SLFN5: variants seen among roughly 807,000 people sequenced by gnomAD.
SLFN5 encodes schlafen family member 5.
Under a neutral mutation model 48.5 loss-of-function variants are expected in SLFN5, and 34 were observed. The observed-to-expected ratio is 0.70, with a 90% CI of 0.53 to 0.93. The LOEUF is 0.93. SLFN5 is among the 40% of genes least tolerant of loss of function. The pLI, the probability that SLFN5 is intolerant of heterozygous loss-of-function variation, is 0.00. For missense variants in SLFN5, 1,006 were observed against 1,071.3 expected, an observed-to-expected ratio of 0.94 and a Z score of 0.85; for synonymous variants, 387 against 396.2, an observed-to-expected ratio of 0.98 and a Z score of 0.28.
intron 1 of SLFN5, among the ~76,000 whole-genome samples, chr17:35,248,219 A>T (rs767837648): frequency 5.9e-5 from 9 of 152,188 alleles, no homozygotes; most frequent in Non-Finnish European, 1.3e-4. Context: ...ATTTTGGGGT[A>T]CATTTGACTT....
intron 1 of SLFN5, among the ~76,000 whole-genome samples, chr17:35,251,045 T>G (rs2092441132): frequency 6.6e-6 from 1 of 152,180 alleles, no homozygotes; most frequent in Non-Finnish European, 1.5e-5. Context: ...TTGACTGTCT[T>G]CAGTGAGGGA....
At chr17:35,251,185 A>G (rs760421465) in intron 1 of SLFN5, among the ~76,000 whole-genome samples, 1 of 152,222 alleles carries the variant, frequency 6.6e-6, no homozygotes, top group Non-Finnish European at 1.5e-5. Context: ...GATGTAGAGA[A>G]GCCCTTGGGC....
Position 35,265,310 on chromosome 17 carries a change from T to G in SLFN5, c.2098T>G (p.Ser700Ala). The G allele has an allele frequency of 6.2e-7, 1 of 1,614,090 alleles. No individual in the cohort carries two copies. Among genetic ancestry groups the G allele is most frequent in the East Asian group, 2.2e-5 (1 of 44,878 alleles). Residue 700 changes from serine to alanine, a missense_variant, in exon 5 of 5, where the codon TCA becomes GCA. By Grantham distance (99) the Ser-to-Ala change is moderately conservative. Transcript: ENST00000299977. ...HLSCSGLPPP[S>A]DQYPREEINR... ...GAGTTGCAGTGGCCTCCCCCCTCCC[T>G]CAGACCAGTATCCAAGAGAAGAGAT...
Position 35,261,011 on chromosome 17 carries a change from G to T in SLFN5, c.1053G>T (p.Leu351Phe), listed in dbSNP as rs778884069. The T allele has an allele frequency of 1.6e-5, 26 of 1,613,850 alleles. No individual in the cohort carries two copies. The East Asian group carries it at 5.8e-4, about 36-fold the overall frequency. Residue 351 changes from leucine (L) to phenylalanine (F), a missense_variant, in exon 3 of 5, where the codon TTG becomes TTT. Leu to Phe is a conservative substitution (Grantham distance 22). Transcript: ENST00000299977. ...RCPEMVLQLSLSSATPRSKPV... is the reference protein window; with the variant it reads ...RCPEMVLQLSFSSATPRSKPV... ...CTGAGATGGTTCTCCAGTTGAGTTT[G>T]TCATCTGCCACGCCCCGCAGCAAGC...
chr17:35,260,296 T>C (rs971180422), intron 2 of SLFN5, among the ~76,000 whole-genome samples: 1 of 152,160 alleles, frequency 6.6e-6, no homozygotes, highest in Admixed American at 6.5e-5. Flanking sequence ...GAGATAAAAT[T>C]AGACAGAGAA....
At chr17:35,252,331 T>C (rs2142690456) in intron 1 of SLFN5, among the ~76,000 whole-genome samples, 1 of 152,206 alleles carries the variant, frequency 6.6e-6, no homozygotes, top group East Asian at 1.9e-4. Flanking sequence ...CTTGGGAGGC[T>C]AAGGCAGGAG....
intron 1 of SLFN5, among the ~76,000 whole-genome samples, chr17:35,251,166 T>C (rs994600935): frequency 8.5e-5 from 13 of 152,198 alleles, no homozygotes; most frequent in Admixed American, 5.9e-4. Context: ...TGTCTATTTG[T>C]GCGAGAGCGA....
chr17:35,266,396 C>G lies in SLFN5; in HGVS notation c.*508C>G, dbSNP rs1334780639. On this transcript the variant is annotated 3_prime_UTR_variant, in exon 5 of 5. Transcript: ENST00000299977. The stretch of plus-strand genomic sequence containing the variant: ...AGGATGGAGCAGGTAGCTCATCTGG[C>G]CTTGTAGGTGCCGGGAACGGGCAAG... 1 of 152,480 alleles carries G rather than the reference C, an allele frequency of 6.6e-6. No individual in the cohort carries two copies. The highest frequency in any genetic ancestry group is 1.5e-5 in the Non-Finnish European group (1 of 68,326). The allele number at this position is 152,480 out of a possible 1,614,324, so 9.4% of individuals were successfully genotyped here. A position where few individuals can be genotyped will look rare whatever the true frequency, so the allele number is the denominator to read the frequency against.
At position 35,264,565 on chromosome 17, in the gene SLFN5, C is replaced by T. The variant is rs540988847; in HGVS notation, c.1521C>T (p.Tyr507=). The change falls in exon 4 of 5, where the codon TAC becomes TAT. Residue 507 remains tyrosine, a synonymous_variant. Transcript: ENST00000299977. ...CTGATAGAAAAGCACAGAGCGTTTA[C>T]AGTTCGTATTTACAAATTTACCCTG... ...LNSDRKAQSV[Y]SSYLQIYPES... The T allele has an allele frequency of 1.5e-5, 25 of 1,614,186 alleles. No homozygotes were observed. In the South Asian group the frequency reaches 2.4e-4, roughly 16 times the overall value.
In SLFN5 at chr17:35,265,339, C is replaced by T; in HGVS notation, c.2127C>T (p.Asn709=). The change falls in exon 5 of 5, where the codon AAC becomes AAT. Residue 709 remains asparagine (N), a synonymous_variant. Coordinates refer to ENST00000299977, the MANE Select transcript of SLFN5 (RefSeq NM_144975.4). ...ACCAGTATCCAAGAGAAGAGATCAA[C>T]AGAGTGGTCCGCAATGCAGGTCCAA... ...PSDQYPREEI[N]RVVRNAGPIA... 6.2e-7 allele frequency: 1 copy of T among 1,614,164 alleles called. No individual in the cohort carries two copies. Among genetic ancestry groups the T allele is most frequent in the South Asian group, 1.1e-5 (1 of 91,074 alleles).
chr17:35,259,221 T>C lies in SLFN5; in HGVS notation c.531T>C (p.Asp177=). The C allele has an allele frequency of 6.2e-7, 1 of 1,614,122 alleles. No homozygotes were observed. Reference sequence around the variant, plus strand: ...ATGTGTCAGCTGCTGCTTTATTTGATAGAAAGCGGCTTCAGTATCTGGAAA... The same window carrying C: ...ATGTGTCAGCTGCTGCTTTATTTGACAGAAAGCGGCTTCAGTATCTGGAAA... ...NINVSAAALF[D]RKRLQYLEKL... Residue 177 remains aspartate, a synonymous_variant, in exon 2 of 5, where the codon GAT becomes GAC. Coordinates refer to ENST00000299977, the MANE Select transcript of SLFN5 (RefSeq NM_144975.4).
rs184879638 is a variant in SLFN5 at position 35,270,187 on chromosome 17, A to G, written c.*4299A>G. 2.7e-4 allele frequency: 41 copies of G among 152,244 alleles called. No homozygotes were observed. The highest frequency in any genetic ancestry group is 3.4e-3 in the Middle Eastern group (1 of 292). The allele number at this position is 152,244 out of a possible 1,614,324, so 9.4% of individuals were successfully genotyped here. A position where few individuals can be genotyped will look rare whatever the true frequency, so the allele number is the denominator to read the frequency against. Reference sequence around the variant, plus strand: ...GATATATTTTTAAAAGCTTTCTGGAATATTATTAACCTTGAATATTTCTAG... The same window carrying G: ...GATATATTTTTAAAAGCTTTCTGGAGTATTATTAACCTTGAATATTTCTAG... On this transcript the variant is annotated 3_prime_UTR_variant, in exon 5 of 5. Coordinates refer to ENST00000299977, the MANE Select transcript of SLFN5 (RefSeq NM_144975.4).
intron 1 of SLFN5, among the ~76,000 whole-genome samples, chr17:35,254,902 A>G (rs2092450915): frequency 6.6e-6 from 1 of 152,214 alleles, no homozygotes; most frequent in South Asian, 2.1e-4. Context: ...CTGTAGTCCC[A>G]GCTACTCAGA....
At chr17:35,258,067 A>G (rs1904394601) in intron 1 of SLFN5, among the ~76,000 whole-genome samples, 1 of 152,238 alleles carries the variant, frequency 6.6e-6, no homozygotes, top group African/African-American at 2.4e-5. Flanking sequence ...AATACACAGC[A>G]TAAATATAAC....
chr17:35,246,245 A>G (rs888175321), intron 1 of SLFN5, among the ~76,000 whole-genome samples: 1 of 152,132 alleles, frequency 6.6e-6, no homozygotes, highest in African/African-American at 2.4e-5. Flanking sequence ...TTTATCAGTT[A>G]TGTAATTTGC....
In SLFN5 at chr17:35,268,569, T is replaced by G. The variant is rs1288945676; in HGVS notation, c.*2681T>G. ...CTGTCTCTACTAAAAATACAAAAAT[T>G]AGCTGGGTGTGGTGGTGCATGCCTG... On this transcript the variant is annotated 3_prime_UTR_variant, in exon 5 of 5. Transcript: ENST00000299977. 6.6e-6 allele frequency: 1 copy of G among 152,092 alleles called. No individual in the cohort carries two copies. The highest frequency in any genetic ancestry group is 1.9e-4 in the East Asian group (1 of 5,190). 9.4% of individuals were successfully genotyped at this position (152,092 alleles called of 1,614,324 possible). A position where few individuals can be genotyped will look rare whatever the true frequency, so the allele number is the denominator to read the frequency against.
rs1258405867 is a variant in SLFN5, at chr17:35,272,917, T to C, written c.*7029T>C. 2 of 152,148 alleles carry C rather than the reference T, an allele frequency of 1.3e-5. No individual in the cohort carries two copies. Among genetic ancestry groups the C allele is most frequent in the African/African-American group, 4.8e-5 (2 of 41,416 alleles). 9.4% of individuals were successfully genotyped at this position (152,148 alleles called of 1,614,324 possible). A position where few individuals can be genotyped will look rare whatever the true frequency, so the allele number is the denominator to read the frequency against. ...ACAATCCGGCAGTAGTTAACAAAATTGTGAATGCATATATCTCTTTCTCTA... is the reference window on the plus strand; with the variant it reads ...ACAATCCGGCAGTAGTTAACAAAATCGTGAATGCATATATCTCTTTCTCTA... On this transcript the variant is annotated 3_prime_UTR_variant, in exon 5 of 5. Transcript: ENST00000299977.
chr17:35,258,496 G>C (rs1361843383), intron 1 of SLFN5, among the ~76,000 whole-genome samples, 155 bp from the exon 2 acceptor site: 1 of 152,164 alleles, frequency 6.6e-6, no homozygotes, highest in Non-Finnish European at 1.5e-5. Flanking sequence ...AATTATGGGA[G>C]CTACAATTCA....
intron 1 of SLFN5, among the ~76,000 whole-genome samples, chr17:35,255,712 C>T (rs927768132): frequency 6.6e-6 from 1 of 152,158 alleles, no homozygotes. Context: ...ACACATACAA[C>T]AGAGAATAAA....
Sources: gnomAD v4.1 joint callset for allele counts (sites outside exome capture counted in the v4.1 genomes callset) on GRCh38, gnomAD v4.1.1 for gene constraint, MANE v1.5 for transcripts, NCBI Gene and HGNC (gene_info 2026-07-23, HGNC 2026-07-21) for gene names.